Variants in ZNF333 observed in about 807,000 individuals in gnomAD.
ZNF333 encodes zinc finger protein 333.
ZNF333 carries 61 observed loss-of-function variants against 76.1 expected under a neutral mutation model. That is an observed-to-expected ratio of 0.80 (90% confidence interval 0.65 to 0.99). ZNF333 has a LOEUF of 0.99. Ranked by LOEUF, ZNF333 falls within the 50% of genes least tolerant of loss-of-function variation. The pLI is 0.00. For synonymous variants in ZNF333, 284 were observed against 305.0 expected (o/e 0.93, Z 0.72); for missense variants, 717 against 822.4 (o/e 0.87, Z 1.57).
chr19:14,716,901 A>G lies in ZNF333; in HGVS notation c.728-93A>G. ...TAGGCACATGCATTTTGCCACTCCCATCTCTAGAGCCCCTAAAGACTTGAG... is the reference window on the plus strand; with the variant it reads ...TAGGCACATGCATTTTGCCACTCCCGTCTCTAGAGCCCCTAAAGACTTGAG... On this transcript the variant is annotated intron_variant, in intron 9 of 11. Coordinates refer to ENST00000292530, the MANE Select transcript of ZNF333 (RefSeq NM_032433.4). The G allele has an allele frequency of 2.6e-6, 3 of 1,170,454 alleles. No homozygotes were observed. In the South Asian group the frequency reaches 4.5e-5, roughly 18 times the overall value. The allele number at this position is 1,170,454 out of a possible 1,614,324, so 72.5% of individuals were successfully genotyped here.
intron 2 of ZNF333, among the ~76,000 whole-genome samples, chr19:14,694,597 C>T (rs771613821): frequency 6.6e-6 from 1 of 152,120 alleles, no homozygotes; most frequent in African/African-American, 2.4e-5. Flanking sequence ...GCTTTCAATC[C>T]CAAATTTGTG....
chr19:14,730,209 C>G (rs985870609), intron 11 of ZNF333, among the ~76,000 whole-genome samples: 2 of 152,112 alleles, frequency 1.3e-5, no homozygotes, highest in African/African-American at 4.8e-5. Context: ...TGCCCGTGAC[C>G]ATGCCTGGTT....
rs577327676 is a variant in ZNF333 at position 14,703,122 on chromosome 19, T to C, written c.307-1932T>C. Among the ~76,000 whole-genome samples, 31 of 146,992 alleles carry C rather than the reference T, an allele frequency of 2.1e-4. 1 individual carries two copies. The highest frequency in any genetic ancestry group is 7.3e-3 in the Middle Eastern group (2 of 274). On this transcript the variant is annotated intron_variant, in intron 5 of 11. Transcript: ENST00000292530. Reference sequence around the variant, plus strand: ...GGGAGGCTGAGGCAGGAGAATGGCGTGAACCCCAGGGGGCGGAGCTTGCAG... The same window carrying C: ...GGGAGGCTGAGGCAGGAGAATGGCGCGAACCCCAGGGGGCGGAGCTTGCAG...
At chr19:14,716,969 A>G (rs923037687) in intron 9 of ZNF333, 25 bp from the exon 10 acceptor site, 4 of 1,597,982 alleles carry the variant, frequency 2.5e-6, no homozygotes, top group Non-Finnish European at 2.6e-6. Context: ...TCCTCGCACA[A>G]CATGTGTTTT....
intron 7 of ZNF333, among the ~76,000 whole-genome samples, chr19:14,711,520 T>A (rs1014838741): frequency 5.3e-5 from 8 of 151,872 alleles, no homozygotes; most frequent in Non-Finnish European, 1.2e-4. Context: ...ATAAGAAAAT[T>A]AGCCAGGCAT....
intron 7 of ZNF333, among the ~76,000 whole-genome samples, chr19:14,713,383 G>C (rs1430607279): frequency 5.9e-5 from 9 of 152,126 alleles, no homozygotes. Context: ...TTCTATTCCT[G>C]TTCCCTTAGA....
chr19:14,716,319 C>T lies in ZNF333; in HGVS notation c.727+81C>T, dbSNP rs539165313. 94 of 1,503,250 alleles carry T rather than the reference C, an allele frequency of 6.3e-5. 1 individual carries two copies. The highest frequency in any genetic ancestry group is 7.5e-5 in the Non-Finnish European group (84 of 1,119,902). The allele number at this position is 1,503,250 out of a possible 1,614,324, so 93.1% of individuals were successfully genotyped here. ...TGTTGCCTAGGCTGGAGTGTGATGG[C>T]GTGACCTTGGCTCACTGCAACCTCC... is the stretch of plus-strand genomic sequence containing the variant. On this transcript the variant is annotated intron_variant, in intron 9 of 11. Coordinates refer to ENST00000292530, the MANE Select transcript of ZNF333 (RefSeq NM_032433.4).
intron 10 of ZNF333, chr19:14,717,366 G>A (rs1041170422): frequency 1.9e-5 from 10 of 537,132 alleles, no homozygotes; most frequent in Middle Eastern, 4.9e-4. Flanking sequence ...GTACATTCTT[G>A]CTAATATTTT....
At chr19:14,707,248 A>AAG (rs1302203358) in intron 7 of ZNF333, 1 of 151,430 alleles carries the variant, frequency 6.6e-6, no homozygotes, top group Admixed American at 6.6e-5. Flanking sequence ...TCTAAAAAAA[A>AAG]AAAAAAAAAA....
Position 14,705,183 on chromosome 19 carries a change from G to T in ZNF333, c.423+13G>T. 1 of 1,610,252 alleles carries T rather than the reference G, an allele frequency of 6.2e-7. No individual in the cohort carries two copies. The highest frequency in any genetic ancestry group is 1.1e-5 in the South Asian group (1 of 90,836). On this transcript the variant is annotated intron_variant, in intron 6 of 11. Coordinates refer to ENST00000292530, the MANE Select transcript of ZNF333 (RefSeq NM_032433.4). ...TCTGGGATGCACGGTAAGCCTGGGA[G>T]AGGTTCACTGTGATGGCACCAGGTG...
downstream of ZNF333, among the ~76,000 whole-genome samples, chr19:14,722,935 A>G (rs1031185907): frequency 3.9e-5 from 6 of 152,104 alleles, no homozygotes; most frequent in Admixed American, 3.9e-4. Flanking sequence ...ACAGGCGCAT[A>G]CCACCATGCC....
chr19:14,727,600 T>C (rs564921964), intron 11 of ZNF333, among the ~76,000 whole-genome samples: 1 of 152,080 alleles, frequency 6.6e-6, no homozygotes, highest in East Asian at 1.9e-4. Context: ...TTTGCCCCCA[T>C]GATCCAACAC....
intron 4 of ZNF333, among the ~76,000 whole-genome samples, chr19:14,698,749 A>C (rs1973419864): frequency 6.6e-6 from 1 of 151,358 alleles, no homozygotes; most frequent in South Asian, 2.1e-4. Context: ...GCTGAGGCAG[A>C]GAATTGCTTG....
downstream of ZNF333, among the ~76,000 whole-genome samples, chr19:14,722,847 G>A (rs1280238041): frequency 7.2e-5 from 11 of 152,138 alleles, no homozygotes; most frequent in Admixed American, 4.6e-4. Context: ...GTGCAATGGC[G>A]CAATCTTGGC....
chr19:14,698,907 T>TAG (rs1973450077), intron 4 of ZNF333, among the ~76,000 whole-genome samples: 1 of 15,814 alleles, frequency 6.3e-5, no homozygotes, highest in South Asian at 3.9e-3. Flanking sequence ...TAGATATATA[T>TAG]ATATATATAT....
Position 14,718,677 on chromosome 19 carries a change from C to T in ZNF333, c.1350C>T (p.Tyr450=), listed in dbSNP as rs188127339. The T allele has an allele frequency of 1.0e-4, 168 of 1,613,824 alleles. No homozygotes were observed. The highest frequency in any genetic ancestry group is 1.7e-4 in the African/African-American group (13 of 74,966). ...GAAACCACACAGGAGAGAAGCCCTA[C>T]GAGTGTAAAGATTGTGGGAAAGCCT... The part of the protein sequence containing the change: ...HQRNHTGEKP[Y]ECKDCGKAFN... The change falls in exon 12 of 12, where the codon TAC becomes TAT. Residue 450 remains tyrosine, a synonymous_variant. Transcript: ENST00000292530.
At chr19:14,731,285 C>T in exon 12 of ZNF333, 15 of 1,192,618 alleles carry the variant, frequency 1.3e-5, no homozygotes, top group Non-Finnish European at 1.8e-5. Context: ...TTGAAGACTC[C>T]AAATCTGCAG....
At chr19:14,691,245 A>G (rs1972753444) in intron 1 of ZNF333, among the ~76,000 whole-genome samples, 1 of 152,204 alleles carries the variant, frequency 6.6e-6, no homozygotes, top group African/African-American at 2.4e-5. Flanking sequence ...TTATTTCACA[A>G]ATATTATTAT....
At chr19:14,697,357 C>CTTTTTTTTT (rs139125023) in intron 4 of ZNF333, among the ~76,000 whole-genome samples, 6 of 90,824 alleles carry the variant, frequency 6.6e-5, no homozygotes, top group Admixed American at 1.2e-4. Flanking sequence ...TTTTTCTTTT[C>CTTTTTTTTT]TTTTTTTTTT....
Sources: allele counts gnomAD v4.1 joint callset (sites outside exome capture counted in the v4.1 genomes callset), GRCh38; gene constraint gnomAD v4.1.1; transcripts MANE v1.5; gene names NCBI Gene and HGNC (gene_info 2026-07-23, HGNC 2026-07-21).